The following ORC2 variants were observed in gnomAD, a reference collection of about 807,000 sequenced individuals.
The protein encoded by ORC2 is origin recognition complex protein 2 homolog.
Under a neutral mutation model 77.7 loss-of-function variants are expected in ORC2, and 37 were observed. The observed-to-expected ratio is 0.48, with a 90% CI of 0.37 to 0.63. The LOEUF (loss-of-function observed/expected upper bound fraction) is 0.63, where lower values mean the gene tolerates loss of function less well. Among genes scored for constraint, ORC2 ranks in the 20% least tolerant of loss-of-function variants. ORC2 has a pLI of 0.00. For synonymous variants in ORC2, 201 were observed against 229.5 expected (o/e 0.88, Z 1.12); for missense variants, 557 against 661.9 (o/e 0.84, Z 1.74).
chr2:200,918,859 T>C (rs2040706220), intron 15 of ORC2, among the ~76,000 whole-genome samples: 1 of 152,020 alleles, frequency 6.6e-6, no homozygotes, highest in South Asian at 2.1e-4. Flanking sequence ...ACATTTTGAC[T>C]AATTTATAGA....
At chr2:200,918,520 ACTCTGT>A (rs2040698356) in intron 15 of ORC2, among the ~76,000 whole-genome samples, 2 of 145,896 alleles carry the variant, frequency 1.4e-5, no homozygotes, top group Non-Finnish European at 1.5e-5. Flanking sequence ...ACAGAGGCTC[ACTCTGT>A]CACCCAGGCT....
chr2:200,949,270 A>C (rs932310279), intron 5 of ORC2, among the ~76,000 whole-genome samples: 1 of 151,896 alleles, frequency 6.6e-6, no homozygotes, highest in Admixed American at 6.6e-5. Flanking sequence ...ACTAAGCTAC[A>C]TATTTTGGAG....
At chr2:200,936,156 C>A (rs1179461718) in intron 8 of ORC2, among the ~76,000 whole-genome samples, 1 of 152,230 alleles carries the variant, frequency 6.6e-6, no homozygotes, top group Non-Finnish European at 1.5e-5. Flanking sequence ...CACACAGGAA[C>A]TGTGATAGAA....
intron 12 of ORC2, 111 bp downstream of exon 12, chr2:200,926,657 A>T: frequency 1.0e-6 from 1 of 980,720 alleles, no homozygotes; most frequent in Non-Finnish European, 1.6e-6. Context: ...ATACAATCCT[A>T]CTACCGTGAA....
At chr2:200,926,235 C>G (rs900846930) in intron 12 of ORC2, among the ~76,000 whole-genome samples, 1 of 152,014 alleles carries the variant, frequency 6.6e-6, no homozygotes, top group Non-Finnish European at 1.5e-5. Flanking sequence ...AACTACAGTT[C>G]TATCAAAGGA....
intron 15 of ORC2, among the ~76,000 whole-genome samples, chr2:200,919,013 T>C (rs914057275): frequency 9.2e-5 from 14 of 152,258 alleles, no homozygotes; most frequent in Middle Eastern, 3.4e-3. Flanking sequence ...AAATTTTTTG[T>C]AGAGATGTAG....
chr2:200,962,434 G>A (rs1469200661), intron 1 of ORC2, among the ~76,000 whole-genome samples: 2 of 152,202 alleles, frequency 1.3e-5, no homozygotes, highest in Non-Finnish European at 2.9e-5. Flanking sequence ...GGATAGATTA[G>A]TGGTTAAACA....
chr2:200,939,137 C>T (rs914807874), intron 7 of ORC2, among the ~76,000 whole-genome samples: 16 of 151,580 alleles, frequency 1.1e-4, no homozygotes, highest in African/African-American at 2.9e-4. Context: ...TCAAGATCCT[C>T]AAAAATTTTT....
At chr2:200,947,220 G>C (rs2041266587) in intron 5 of ORC2, among the ~76,000 whole-genome samples, 1 of 151,942 alleles carries the variant, frequency 6.6e-6, no homozygotes, top group Admixed American at 6.6e-5. Context: ...TTAATTTCTT[G>C]ATGTAGATAA....
chr2:200,949,366 A>G (rs142059201), intron 5 of ORC2, among the ~76,000 whole-genome samples, 188 bp downstream of exon 5: 5 of 152,210 alleles, frequency 3.3e-5, no homozygotes, highest in African/African-American at 1.2e-4. Context: ...GCATGAAAAA[A>G]ACAAATGAAC....
chr2:200,957,511 A>G lies in ORC2; in HGVS notation c.128T>C (p.Leu43Ser). The stretch of plus-strand genomic sequence containing the variant: ...CTTTATTATTTTTTTGGGGTTGACC[A>G]AAAGCTGCGCTCGCTCCTTCTTCAA... ...AKLKKERAQL[L>S]VNPKKIIKKP... is the part of the protein sequence containing the mutation. Residue 43 changes from leucine (L) to serine (S), a missense_variant, in exon 4 of 18, where the codon TTG (leucine) becomes TCG (serine). Transcript: ENST00000234296. The G allele has an allele frequency of 6.2e-7, 1 of 1,609,786 alleles. No homozygotes were observed. Among genetic ancestry groups the G allele is most frequent in the Non-Finnish European group, 8.5e-7 (1 of 1,177,916 alleles).
At chr2:200,917,888 T>C (rs2040684519) in intron 15 of ORC2, among the ~76,000 whole-genome samples, 1 of 151,218 alleles carries the variant, frequency 6.6e-6, no homozygotes, top group South Asian at 2.1e-4. Context: ...GGAAAATAAA[T>C]TGCTAGGGGG....
chr2:200,927,948 A>C (rs886400434), intron 11 of ORC2, among the ~76,000 whole-genome samples: 9 of 151,688 alleles, frequency 5.9e-5, no homozygotes, highest in Admixed American at 5.2e-4. Flanking sequence ...TTAGCCTCTC[A>C]AAGTGCTGGG....
In ORC2 at chr2:200,931,400, C is replaced by T. The variant is rs184226901; in HGVS notation, c.856G>A (p.Glu286Lys). 1.1e-5 allele frequency: 17 copies of T among 1,533,830 alleles called. No individual in the cohort carries two copies. The highest frequency in any genetic ancestry group is 2.3e-5 in the Admixed American group (1 of 42,916). The change falls in exon 11 of 18, where the codon GAA becomes AAA. Residue 286 changes from glutamate to lysine, a missense_variant. Coordinates refer to ENST00000234296, the MANE Select transcript of ORC2 (RefSeq NM_006190.5). ...LSKVSPSFSA[E>K]LKQLNQQYEK... ...TACTGTTGATTTAGTTGTTTAAGTT[C>T]GGCAGAAAAGGAAGGGGAAACCTTG...
chr2:200,963,343 C>A (rs1015641140), intron 1 of ORC2, 147 bp downstream of exon 1: 3 of 397,720 alleles, frequency 7.5e-6, no homozygotes, highest in Non-Finnish European at 4.4e-6. Context: ...GACCATGCCC[C>A]AAGTGCCGAG....
chr2:200,941,952 A>G (rs1034472727), intron 6 of ORC2, among the ~76,000 whole-genome samples: 7 of 148,982 alleles, frequency 4.7e-5, no homozygotes, highest in African/African-American at 1.8e-4. Flanking sequence ...ACACCACTGC[A>G]CTCCAGCACT....
chr2:200,917,522 C>T (rs1023856464), intron 15 of ORC2, among the ~76,000 whole-genome samples: 1 of 152,058 alleles, frequency 6.6e-6, no homozygotes, highest in African/African-American at 2.4e-5. Context: ...TTAAAATTAG[C>T]ATTTGAGGGT....
At chr2:200,942,517 A>G (rs1300484040) in intron 6 of ORC2, among the ~76,000 whole-genome samples, 168 bp downstream of exon 6, 1 of 152,232 alleles carries the variant, frequency 6.6e-6, no homozygotes. Flanking sequence ...ACTGCTAAAC[A>G]CGGGTATACT....
intron 1 of ORC2, among the ~76,000 whole-genome samples, chr2:200,962,702 A>G (rs1414299309): frequency 6.6e-6 from 1 of 152,238 alleles, no homozygotes. Context: ...AACTCATTCA[A>G]CATCTAACAG....
Sources: gnomAD v4.1 joint callset for allele counts (sites outside exome capture counted in the v4.1 genomes callset) on GRCh38, gnomAD v4.1.1 for gene constraint, MANE v1.5 for transcripts, NCBI Gene and HGNC (gene_info 2026-07-23, HGNC 2026-07-21) for gene names.